FBXO45: variants seen among roughly 807,000 people sequenced by gnomAD.
FBXO45 encodes the protein F-box/SPRY domain-containing protein 1.
Under a neutral mutation model 25.5 loss-of-function variants are expected in FBXO45, and 3 were observed. The ratio of observed to expected loss-of-function variants is 0.12; its 90% CI spans 0.05 to 0.30. The LOEUF (loss-of-function observed/expected upper bound fraction) is 0.30, where lower values mean the gene tolerates loss of function less well. Ranked by LOEUF, FBXO45 falls within the 10% of genes least tolerant of loss-of-function variation. FBXO45 has a pLI of 1.00. For missense variants in FBXO45, 219 were observed against 365.0 expected (o/e 0.60, Z 3.26); for synonymous variants, 155 against 149.8 (o/e 1.03, Z -0.25).
At chr3:196,570,387 G>A (rs531015328) in intron 1 of FBXO45, among the ~76,000 whole-genome samples, 8 of 151,502 alleles carry the variant, frequency 5.3e-5, no homozygotes, top group Non-Finnish European at 8.8e-5. Flanking sequence ...ACAGGCATGC[G>A]CCACCATGCC....
In FBXO45 at chr3:196,569,227, C is replaced by A; in HGVS notation, c.243C>A (p.Ser81Arg). ...ATGAGAACAGCGAGGTGTGGCGGAGCCTGTGCGCCCGCAGCCTGGCAGAAG... is the reference window on the plus strand; with the variant it reads ...ATGAGAACAGCGAGGTGTGGCGGAGACTGTGCGCCCGCAGCCTGGCAGAAG... Reference protein sequence around the residue: ...HGDENSEVWRSLCARSLAEEA... With the variant: ...HGDENSEVWRRLCARSLAEEA... The change falls in exon 1 of 3, where the codon AGC (serine) becomes AGA (arginine). Residue 81 changes from serine (S) to arginine (R), a missense_variant. Transcript: ENST00000311630. The surrounding 1 kb of genome is among the most constrained non-coding windows in gnomAD (Gnocchi z 4.1). 6.3e-7 allele frequency: 1 copy of A among 1,580,312 alleles called. No individual in the cohort carries two copies. The highest frequency in any genetic ancestry group is 1.2e-5 in the South Asian group (1 of 86,142).
chr3:196,586,177 CAA>C lies in FBXO45; in HGVS notation c.*1860_*1861del, dbSNP rs971932513. ...CGGCAAAGTTTAAAATTTGATTAAA[CAA>C]GAGAAGTGGTTCAGGTTGAAGATGG... On this transcript the variant is annotated 3_prime_UTR_variant, in exon 3 of 3. Coordinates refer to ENST00000311630, the MANE Select transcript of FBXO45 (RefSeq NM_001105573.2). 8.5e-5 allele frequency: 13 copies of C among 152,132 alleles called. No individual in the cohort carries two copies. The highest frequency in any genetic ancestry group is 1.9e-4 in the East Asian group (1 of 5,198). The allele number at this position is 152,132 out of a possible 1,614,324, so 9.4% of individuals were successfully genotyped here.
Position 196,568,881 on chromosome 3 carries a change from C to A in FBXO45, c.-104C>A. On this transcript the variant is annotated 5_prime_UTR_variant, in exon 1 of 3. Transcript: ENST00000311630. Reference sequence around the variant, plus strand: ...CGCCGGCGGTTGGCACTGACAGGGGCGGTGAGCGAGCCGCTCCGGTCTCCG... The same window carrying A: ...CGCCGGCGGTTGGCACTGACAGGGGAGGTGAGCGAGCCGCTCCGGTCTCCG... The A allele has an allele frequency of 1.2e-6, 1 of 857,570 alleles. No homozygotes were observed. The highest frequency in any genetic ancestry group is 1.4e-6 in the Non-Finnish European group (1 of 712,898). The allele number at this position is 857,570 out of a possible 1,614,324, so 53.1% of individuals were successfully genotyped here.
intron 2 of FBXO45, among the ~76,000 whole-genome samples, 159 bp from the exon 3 acceptor site, chr3:196,583,974 T>A (rs1469879295): frequency 2.0e-5 from 3 of 152,214 alleles, no homozygotes; most frequent in African/African-American, 7.2e-5. Flanking sequence ...GTCCTTTTTT[T>A]ATAGATGTTT....
rs1242097704 is a variant in FBXO45 at position 196,581,755 on chromosome 3, C to T, written c.676-2378C>T. Among the ~76,000 whole-genome samples the T allele has an allele frequency of 3.9e-5, 6 of 152,004 alleles. No homozygotes were observed. In the East Asian group the frequency reaches 9.6e-4, roughly 24 times the overall value. On this transcript the variant is annotated intron_variant, in intron 2 of 2. Transcript: ENST00000311630. ...TTTTCATATCTAGTAATTTTTTTAA[C>T]TGAAACCTAGATGTGTAGATAATAT... is the stretch of plus-strand genomic sequence containing the variant.
At position 196,569,945 on chromosome 3, in the gene FBXO45, C is replaced by T. The variant is rs543570507; in HGVS notation, c.318+643C>T. ...CTGTTATTGGCTGTTTCCTTGCTAACTTTTTAATAGTTCCACATTGATGGT... is the reference window on the plus strand; with the variant it reads ...CTGTTATTGGCTGTTTCCTTGCTAATTTTTTAATAGTTCCACATTGATGGT... On this transcript the variant is annotated intron_variant, in intron 1 of 2. Transcript: ENST00000311630. This position sits in a 1 kb window ranked among gnomAD's most constrained non-coding sequence, Gnocchi z 4.1. 1.3e-5 allele frequency among the ~76,000 whole-genome samples: 2 copies of T among 152,302 alleles called. No individual in the cohort carries two copies. Among genetic ancestry groups the T allele is most frequent in the South Asian group, 4.1e-4 (2 of 4,834 alleles).
chr3:196,587,115 C>T lies in FBXO45; in HGVS notation c.*2797C>T, dbSNP rs975321587. The T allele has an allele frequency of 3.3e-5, 5 of 152,138 alleles. No individual in the cohort carries two copies. The highest frequency in any genetic ancestry group is 1.3e-4 in the Admixed American group (2 of 15,274). The allele number at this position is 152,138 out of a possible 1,614,324, so 9.4% of individuals were successfully genotyped here. On this transcript the variant is annotated 3_prime_UTR_variant, in exon 3 of 3. Transcript: ENST00000311630. ...TGGAGCACTTTCTTTGGTTGGTTAA[C>T]GAAGCATGCAGATGTGGAAGCAGAC...
chr3:196,584,087 A>G lies in FBXO45; in HGVS notation c.676-46A>G. On this transcript the variant is annotated intron_variant, in intron 2 of 2. Coordinates refer to ENST00000311630, the MANE Select transcript of FBXO45 (RefSeq NM_001105573.2). This position sits in a 1 kb window ranked among gnomAD's most constrained non-coding sequence, Gnocchi z 4.3. The stretch of plus-strand genomic sequence containing the variant: ...GATTTGTGTCTTGTTTCTTCTAGCT[A>G]CACCCTTGGCAGATTTTCTTCTAAC... 1.3e-6 allele frequency: 2 copies of G among 1,564,140 alleles called. No individual in the cohort carries two copies. Among genetic ancestry groups the G allele is most frequent in the Non-Finnish European group, 1.7e-6 (2 of 1,144,372 alleles).
At chr3:196,576,749 T>TCA (rs1735920152) in intron 1 of FBXO45, among the ~76,000 whole-genome samples, 1 of 152,248 alleles carries the variant, frequency 6.6e-6, no homozygotes, top group Non-Finnish European at 1.5e-5. Context: ...TCTAAGGGAT[T>TCA]ATTTGATTTG....
At position 196,584,070 on chromosome 3, in the gene FBXO45, T is replaced by G; in HGVS notation, c.676-63T>G. ...AATATTTTCAACTTCTTGATTTGTG[T>G]CTTGTTTCTTCTAGCTACACCCTTG... is the stretch of plus-strand genomic sequence containing the variant. On this transcript the variant is annotated intron_variant, in intron 2 of 2. Transcript: ENST00000311630. This position sits in a 1 kb window ranked among gnomAD's most constrained non-coding sequence, Gnocchi z 4.3. 6.9e-7 allele frequency: 1 copy of G among 1,459,278 alleles called. No individual in the cohort carries two copies. Among genetic ancestry groups the G allele is most frequent in the Non-Finnish European group, 9.4e-7 (1 of 1,063,464 alleles). The allele number at this position is 1,459,278 out of a possible 1,614,324, so 90.4% of individuals were successfully genotyped here.
At chr3:196,577,386 T>C (rs1735933280) in intron 1 of FBXO45, 67 bp from the exon 2 acceptor site, 3 of 1,193,774 alleles carry the variant, frequency 2.5e-6, no homozygotes, top group Non-Finnish European at 3.4e-6. Context: ...GCGTGAAGTT[T>C]GGGTAATTTT....
At chr3:196,574,849 T>C (rs1163142856) in intron 1 of FBXO45, among the ~76,000 whole-genome samples, 1 of 152,092 alleles carries the variant, frequency 6.6e-6, no homozygotes. Flanking sequence ...AAAGCACATA[T>C]AATACTTTCA....
At chr3:196,570,078 G>A (rs1735769627) in intron 1 of FBXO45, among the ~76,000 whole-genome samples, 1 of 152,206 alleles carries the variant, frequency 6.6e-6, no homozygotes, top group Admixed American at 6.5e-5. Flanking sequence ...CAAGGAACAA[G>A]TTGTGGTACG....
At chr3:196,573,447 C>T (rs1487825945) in intron 1 of FBXO45, among the ~76,000 whole-genome samples, 2 of 152,160 alleles carry the variant, frequency 1.3e-5, no homozygotes, top group Non-Finnish European at 2.9e-5. Flanking sequence ...GACAAAGGCT[C>T]TACTTCAAAA....
intron 2 of FBXO45, among the ~76,000 whole-genome samples, chr3:196,582,958 C>T (rs543416658): frequency 1.3e-5 from 2 of 152,136 alleles, no homozygotes; most frequent in South Asian, 4.2e-4. Flanking sequence ...ATTCACACAC[C>T]TCTCTCTATA....
rs543156681 is a variant in FBXO45, at chr3:196,584,978, G to A, written c.*660G>A. 6 of 152,172 alleles carry A rather than the reference G, an allele frequency of 3.9e-5. No homozygotes were observed. In the South Asian group the frequency reaches 1.2e-3, roughly 32 times the overall value. The allele number at this position is 152,172 out of a possible 1,614,324, so 9.4% of individuals were successfully genotyped here. On this transcript the variant is annotated 3_prime_UTR_variant, in exon 3 of 3. Coordinates refer to ENST00000311630, the MANE Select transcript of FBXO45 (RefSeq NM_001105573.2). The surrounding 1 kb of genome is among the most constrained non-coding windows in gnomAD (Gnocchi z 4.3). Reference sequence around the variant, plus strand: ...GTTACAAAATTGGAATAACATTTGGGGACAACTGGGTTAACTACAAAGAAG... The same window carrying A: ...GTTACAAAATTGGAATAACATTTGGAGACAACTGGGTTAACTACAAAGAAG...
chr3:196,578,617 C>G (rs1330749584), intron 2 of FBXO45, among the ~76,000 whole-genome samples: 1 of 151,954 alleles, frequency 6.6e-6, no homozygotes, highest in Non-Finnish European at 1.5e-5. Flanking sequence ...ACGAACATGG[C>G]TGTATTCCAT....
rs932133125 is a variant in FBXO45, at chr3:196,569,958, C to T, written c.318+656C>T. Reference sequence around the variant, plus strand: ...TTTCCTTGCTAACTTTTTAATAGTTCCACATTGATGGTGTCTCTCTTTTTC... The same window carrying T: ...TTTCCTTGCTAACTTTTTAATAGTTTCACATTGATGGTGTCTCTCTTTTTC... On this transcript the variant is annotated intron_variant, in intron 1 of 2. Transcript: ENST00000311630. This position sits in a 1 kb window ranked among gnomAD's most constrained non-coding sequence, Gnocchi z 4.1. Among the ~76,000 whole-genome samples, 1 of 152,144 alleles carries T rather than the reference C, an allele frequency of 6.6e-6. No homozygotes were observed. Among genetic ancestry groups the T allele is most frequent in the African/African-American group, 2.4e-5 (1 of 41,428 alleles).
At chr3:196,578,566 T>C (rs1418048749) in intron 2 of FBXO45, among the ~76,000 whole-genome samples, 1 of 152,092 alleles carries the variant, frequency 6.6e-6, no homozygotes, top group Admixed American at 6.6e-5. Flanking sequence ...GTTTCAACTC[T>C]ATTTATAGTA....
Sources: allele counts gnomAD v4.1 joint callset (sites outside exome capture counted in the v4.1 genomes callset), GRCh38; gene constraint gnomAD v4.1.1; non-coding constraint Gnocchi (gnomAD v3.1); transcripts MANE v1.5; gene names NCBI Gene and HGNC (gene_info 2026-07-23, HGNC 2026-07-21).